SLC41A2: variants seen among roughly 807,000 people sequenced by gnomAD.
SLC41A2 encodes the protein SLC41A1-like 1.
In SLC41A2, 32 loss-of-function variants were observed where a neutral mutation model predicts 58.3. The ratio of observed to expected loss-of-function variants is 0.55; its 90% confidence interval spans 0.41 to 0.74. The LOEUF (loss-of-function observed/expected upper bound fraction) is 0.74. Among genes scored for constraint, SLC41A2 ranks in the 30% least tolerant of loss-of-function variants. The pLI is 0.00. For synonymous variants in SLC41A2, 190 were observed against 235.0 expected (o/e 0.81, Z 1.75); for missense variants, 514 against 680.6 (o/e 0.76, Z 2.72).
At chr12:104,826,060 C>A (rs1168257112) in intron 10 of SLC41A2, among the ~76,000 whole-genome samples, 1 of 152,164 alleles carries the variant, frequency 6.6e-6, no homozygotes, top group African/African-American at 2.4e-5. Context: ...TCCATCACAT[C>A]CTGAGTTTTC....
At chr12:104,900,147 A>C (rs1257567164) in intron 3 of SLC41A2, among the ~76,000 whole-genome samples, 1 of 152,138 alleles carries the variant, frequency 6.6e-6, no homozygotes, top group African/African-American at 2.4e-5. Context: ...TCAGGCGAAA[A>C]CATCACAAAC....
intron 10 of SLC41A2, among the ~76,000 whole-genome samples, chr12:104,837,968 A>G (rs1395523987): frequency 6.6e-6 from 1 of 152,192 alleles, no homozygotes. Context: ...CTGAAGACTG[A>G]TATTTCTACA....
chr12:104,921,601 T>C (rs1246450834), intron 2 of SLC41A2, among the ~76,000 whole-genome samples: 1 of 151,822 alleles, frequency 6.6e-6, no homozygotes, highest in Non-Finnish European at 1.5e-5. Flanking sequence ...TTTTGTCTTA[T>C]AAGAAATACT....
intron 1 of SLC41A2, among the ~76,000 whole-genome samples, chr12:104,947,477 GGCGT>G (rs1565923851): frequency 2.0e-5 from 3 of 151,784 alleles, no homozygotes; most frequent in African/African-American, 7.3e-5. Flanking sequence ...TGGGATTCCA[GGCGT>G]GAGCCACCAT....
intron 1 of SLC41A2, among the ~76,000 whole-genome samples, chr12:104,945,177 A>C (rs1046454707): frequency 2.0e-5 from 3 of 151,430 alleles, no homozygotes; most frequent in African/African-American, 4.9e-5. Flanking sequence ...CACACACACA[A>C]AAAATAATAA....
At chr12:104,858,336 A>G (rs1262038116) in intron 8 of SLC41A2, among the ~76,000 whole-genome samples, 1 of 152,216 alleles carries the variant, frequency 6.6e-6, no homozygotes, top group Non-Finnish European at 1.5e-5. Context: ...AGGCTTTAGA[A>G]TAGACCCGAT....
At chr12:104,892,872 A>C (rs1174559323) in intron 4 of SLC41A2, among the ~76,000 whole-genome samples, 2 of 152,172 alleles carry the variant, frequency 1.3e-5, no homozygotes, top group Non-Finnish European at 2.9e-5. Context: ...AAAGACTTGA[A>C]TCTAAGACCT....
At chr12:104,851,195 AT>A (rs980207043) in intron 8 of SLC41A2, among the ~76,000 whole-genome samples, 1 of 152,186 alleles carries the variant, frequency 6.6e-6, no homozygotes, top group Non-Finnish European at 1.5e-5. Context: ...TCAATAATAA[AT>A]TTATGTAAAT....
chr12:104,888,560 TTAAGTA>T (rs1331048114), intron 5 of SLC41A2, among the ~76,000 whole-genome samples: 1 of 152,122 alleles, frequency 6.6e-6, no homozygotes, highest in Non-Finnish European at 1.5e-5. Flanking sequence ...ATATGCTATC[TTAAGTA>T]TAAGGTTATA....
At chr12:104,866,789 T>C (rs2043487740) in intron 6 of SLC41A2, among the ~76,000 whole-genome samples, 1 of 152,068 alleles carries the variant, frequency 6.6e-6, no homozygotes, top group African/African-American at 2.4e-5. Context: ...ATTAATTCAA[T>C]AAACATTTAC....
At chr12:104,901,285 C>T (rs372255338) in intron 3 of SLC41A2, among the ~76,000 whole-genome samples, 12 of 151,806 alleles carry the variant, frequency 7.9e-5, no homozygotes, top group African/African-American at 2.7e-4. Flanking sequence ...TTTTAGACCT[C>T]AAACAATAGA....
intron 6 of SLC41A2, among the ~76,000 whole-genome samples, chr12:104,868,344 T>C (rs929483296): frequency 6.6e-6 from 1 of 152,216 alleles, no homozygotes; most frequent in Non-Finnish European, 1.5e-5. Context: ...CAGATCATCT[T>C]AGTATTTTAT....
chr12:104,953,556 A>G (rs1204645711), intron 1 of SLC41A2, among the ~76,000 whole-genome samples: 3 of 152,180 alleles, frequency 2.0e-5, no homozygotes, highest in Non-Finnish European at 4.4e-5. Flanking sequence ...TGTGCCCTCA[A>G]GGAGAGAAAG....
intron 10 of SLC41A2, among the ~76,000 whole-genome samples, chr12:104,819,312 T>A (rs1276273036): frequency 6.6e-6 from 1 of 152,170 alleles, no homozygotes; most frequent in Non-Finnish European, 1.5e-5. Flanking sequence ...TTATTAAATA[T>A]GTAGAGCTAA....
chr12:104,953,121 T>C (rs999514127), intron 1 of SLC41A2, among the ~76,000 whole-genome samples: 2 of 152,208 alleles, frequency 1.3e-5, no homozygotes, highest in African/African-American at 2.4e-5. Context: ...AGACATTCCA[T>C]AAATATTTAA....
At position 104,844,470 on chromosome 12, in the gene SLC41A2, A is replaced by G; in HGVS notation, c.1536+2T>C. 6.9e-7 allele frequency: 1 copy of G among 1,453,304 alleles called. No homozygotes were observed. Among genetic ancestry groups the G allele is most frequent in the African/African-American group, 1.5e-5 (1 of 68,952 alleles). 90.0% of individuals were successfully genotyped at this position (1,453,304 alleles called of 1,614,324 possible). ...GAGATTTCAAGAAGTTTTAACTCTT[A>G]CCTGTAACACAGCGCCAAATAAATA... On this transcript the variant is annotated splice_donor_variant, in intron 10 of 10. Coordinates refer to ENST00000258538, the MANE Select transcript of SLC41A2 (RefSeq NM_001352171.3). LOFTEE classifies it high-confidence loss of function.
At chr12:104,844,240 C>T (rs908209801) in intron 10 of SLC41A2, among the ~76,000 whole-genome samples, 3 of 151,990 alleles carry the variant, frequency 2.0e-5, no homozygotes, top group African/African-American at 7.2e-5. Flanking sequence ...GTAAATATAG[C>T]CATAGTGAAA....
At chr12:104,909,429 T>A (rs1346235295) in intron 3 of SLC41A2, among the ~76,000 whole-genome samples, 8 of 152,180 alleles carry the variant, frequency 5.3e-5, no homozygotes, top group African/African-American at 1.9e-4. Context: ...AATGCCAGAA[T>A]GTCCTGGCAT....
At chr12:104,893,999 T>G (rs907101097) in intron 4 of SLC41A2, among the ~76,000 whole-genome samples, 2 of 151,902 alleles carry the variant, frequency 1.3e-5, no homozygotes, top group African/African-American at 4.8e-5. Flanking sequence ...ACTACAAGAG[T>G]ATAATTGGAT....
Sources: gnomAD v4.1 joint callset for allele counts (sites outside exome capture counted in the v4.1 genomes callset) on GRCh38, gnomAD v4.1.1 for gene constraint, MANE v1.5 for transcripts, NCBI Gene and HGNC (gene_info 2026-07-23, HGNC 2026-07-21) for gene names.